Variants in ADAMTSL3 observed in about 807,000 individuals in gnomAD.
ADAMTSL3 encodes the protein ADAMTS like 3, also known as ADAMTS-like protein 3.
ADAMTSL3 carries 128 observed loss-of-function variants against 201.7 expected under a neutral mutation model. The observed-to-expected ratio is 0.63, with a 90% confidence interval of 0.55 to 0.73. The LOEUF (loss-of-function observed/expected upper bound fraction) is 0.73, where lower values mean the gene tolerates loss of function less well. Among genes scored for constraint, ADAMTSL3 ranks in the 30% least tolerant of loss-of-function variants. The pLI, the probability that ADAMTSL3 is intolerant of heterozygous loss-of-function variation, is 0.00. For missense variants in ADAMTSL3, 1,990 were observed against 2,119.6 expected, an observed-to-expected ratio of 0.94 and a Z score of 1.20; for synonymous variants, 738 against 748.4, an observed-to-expected ratio of 0.99 and a Z score of 0.23.
rs558968026 is a variant in ADAMTSL3, at chr15:84,023,329, T to G, written c.4457+1736T>G. Among the ~76,000 whole-genome samples, 11 of 152,344 alleles carry G rather than the reference T, an allele frequency of 7.2e-5. No individual in the cohort carries two copies. The South Asian group carries it at 2.3e-3, about 32-fold the overall frequency. On this transcript the variant is annotated intron_variant, in intron 26 of 29. Transcript: ENST00000286744. ...GAAGAAGATACTAACATTTTACTGA[T>G]GAGAAACTGGAGAAATGTTTAATGT...
intron 15 of ADAMTSL3, among the ~76,000 whole-genome samples, chr15:83,907,895 A>G (rs1380171248): frequency 1.3e-5 from 2 of 152,214 alleles, no homozygotes; most frequent in Admixed American, 1.3e-4. Flanking sequence ...GTAAATAGCC[A>G]GTAGTGGAAT....
intron 25 of ADAMTSL3, among the ~76,000 whole-genome samples, chr15:84,019,076 TACACACAC>T (rs71453219): frequency 5.7e-4 from 79 of 139,244 alleles, no homozygotes; most frequent in East Asian, 4.7e-3. Context: ...CACACACACA[TACACACAC>T]ACACACACAC....
chr15:83,861,387 T>G (rs965575018), intron 8 of ADAMTSL3: 4 of 154,646 alleles, frequency 2.6e-5, no homozygotes, highest in Non-Finnish European at 4.3e-5. Context: ...AGGGGCAGAC[T>G]GACAGCTCAC....
intron 16 of ADAMTSL3, among the ~76,000 whole-genome samples, chr15:83,917,626 T>G (rs2066061569): frequency 6.6e-6 from 1 of 152,184 alleles, no homozygotes. Flanking sequence ...GAAGTTCTTC[T>G]TTTATATTTT....
chr15:84,032,175 A>C (rs2068421735), intron 28 of ADAMTSL3, among the ~76,000 whole-genome samples: 1 of 152,234 alleles, frequency 6.6e-6, no homozygotes, highest in African/African-American at 2.4e-5. Context: ...ATTATCATCC[A>C]TGTGAACTTA....
intron 5 of ADAMTSL3, among the ~76,000 whole-genome samples, chr15:83,808,953 G>T (rs79312638): frequency 6.6e-6 from 1 of 151,278 alleles, no homozygotes; most frequent in Non-Finnish European, 1.5e-5. Context: ...CTTAAAAGTA[G>T]GCAATAAACC....
At chr15:83,699,366 A>G (rs1311635126) in intron 2 of ADAMTSL3, among the ~76,000 whole-genome samples, 1 of 152,190 alleles carries the variant, frequency 6.6e-6, no homozygotes, top group Non-Finnish European at 1.5e-5. Flanking sequence ...GCTCAAGCCA[A>G]AAACCCAGAA....
rs1462978117 is a variant in ADAMTSL3, at chr15:83,828,710, T to A, written c.600+8663T>A. Among the ~76,000 whole-genome samples the A allele has an allele frequency of 2.6e-5, 4 of 152,242 alleles. No individual in the cohort carries two copies. The East Asian group carries it at 7.7e-4, about 29-fold the overall frequency. ...TTTTGAAATACATCCCATCAATACC[T>A]AATTTATTGAGAGTTTTTAGCATGA... On this transcript the variant is annotated intron_variant, in intron 6 of 29. Coordinates refer to ENST00000286744, the MANE Select transcript of ADAMTSL3 (RefSeq NM_207517.3).
chr15:83,781,206 C>T (rs1467947906), intron 4 of ADAMTSL3, among the ~76,000 whole-genome samples: 1 of 152,154 alleles, frequency 6.6e-6, no homozygotes, highest in Non-Finnish European at 1.5e-5. Flanking sequence ...GCCTGACTTA[C>T]AGCTATACTT....
intron 2 of ADAMTSL3, among the ~76,000 whole-genome samples, chr15:83,679,008 GTTTAT>G (rs2061444612): frequency 6.6e-6 from 1 of 150,636 alleles, no homozygotes; most frequent in Admixed American, 6.6e-5. Flanking sequence ...CAGATGTTCT[GTTTAT>G]TTTATTTTCA....
chr15:83,932,837 G>T (rs185887760), intron 17 of ADAMTSL3, among the ~76,000 whole-genome samples: 1 of 152,306 alleles, frequency 6.6e-6, no homozygotes, highest in African/African-American at 2.4e-5. Flanking sequence ...GAAACAATGT[G>T]TGAGAGTCAG....
At chr15:83,885,454 CA>C (rs1034852827) in intron 10 of ADAMTSL3, among the ~76,000 whole-genome samples, 2 of 148,546 alleles carry the variant, frequency 1.3e-5, no homozygotes, top group Admixed American at 6.7e-5. Flanking sequence ...AAAAAAAAAA[CA>C]AAACAAAACT....
intron 20 of ADAMTSL3, among the ~76,000 whole-genome samples, chr15:83,977,803 G>A (rs1428788262): frequency 6.6e-6 from 1 of 152,232 alleles, no homozygotes; most frequent in Non-Finnish European, 1.5e-5. Context: ...GAGTAACACA[G>A]AAGCAACCTG....
chr15:83,853,245 A>G (rs2064657921), intron 7 of ADAMTSL3, among the ~76,000 whole-genome samples: 1 of 152,138 alleles, frequency 6.6e-6, no homozygotes, highest in Admixed American at 6.5e-5. Context: ...TTATTTTTCT[A>G]AATGATTATT....
intron 7 of ADAMTSL3, among the ~76,000 whole-genome samples, chr15:83,846,149 G>C (rs761909177): frequency 4.6e-5 from 7 of 152,140 alleles, no homozygotes; most frequent in Non-Finnish European, 1.0e-4. Context: ...TGAGAGCACT[G>C]GGATTATTAG....
At chr15:83,794,681 T>C (rs2063396108) in intron 4 of ADAMTSL3, among the ~76,000 whole-genome samples, 1 of 152,070 alleles carries the variant, frequency 6.6e-6, no homozygotes, top group African/African-American at 2.4e-5. Context: ...GAGATGCAGC[T>C]ATAAAAGGCA....
Position 83,797,702 on chromosome 15 carries a change from T to A in ADAMTSL3, c.318-6948T>A, listed in dbSNP as rs1194214035. 4.6e-5 allele frequency among the ~76,000 whole-genome samples: 7 copies of A among 152,170 alleles called. No homozygotes were observed. The East Asian group carries it at 1.3e-3, about 29-fold the overall frequency. ...AAATATTGACCTAGATGTATAAAAA[T>A]AAGAACCTTCCTGCACTGGTAATGA... is the stretch of plus-strand genomic sequence containing the variant. On this transcript the variant is annotated intron_variant, in intron 4 of 29. Coordinates refer to ENST00000286744, the MANE Select transcript of ADAMTSL3 (RefSeq NM_207517.3).
chr15:83,898,058 A>T lies in ADAMTSL3; in HGVS notation c.1615+53A>T. 4 of 1,524,054 alleles carry T rather than the reference A, an allele frequency of 2.6e-6. No individual in the cohort carries two copies. In the East Asian group the frequency reaches 6.9e-5, roughly 26 times the overall value. 94.4% of individuals were successfully genotyped at this position (1,524,054 alleles called of 1,614,324 possible). On this transcript the variant is annotated intron_variant, in intron 14 of 29. Transcript: ENST00000286744. ...AATCAAATGGTATTTTCCAGCTCCC[A>T]TTCCAATATTGTAGCATTTCCCTTT...
chr15:83,883,389 T>C (rs962109344), intron 9 of ADAMTSL3, among the ~76,000 whole-genome samples: 7 of 151,920 alleles, frequency 4.6e-5, no homozygotes, highest in Non-Finnish European at 8.8e-5. Flanking sequence ...GCCAGGCTGG[T>C]CTTGAGCTCC....
Sources: gnomAD v4.1 joint callset for allele counts (sites outside exome capture counted in the v4.1 genomes callset) on GRCh38, gnomAD v4.1.1 for gene constraint, MANE v1.5 for transcripts, NCBI Gene and HGNC (gene_info 2026-07-23, HGNC 2026-07-21) for gene names.